Variants in DPF3 observed in about 807,000 individuals in gnomAD.
DPF3 encodes zinc finger protein DPF3.
DPF3 carries 18 observed loss-of-function variants against 56.8 expected under a neutral mutation model. The observed-to-expected ratio is 0.32, with a 90% confidence interval of 0.22 to 0.47. The LOEUF is 0.47. DPF3 is among the 20% of genes least tolerant of loss of function. The pLI, the probability that DPF3 is intolerant of heterozygous loss-of-function variation, is 1.00. For synonymous variants in DPF3, 188 were observed against 180.2 expected (o/e 1.04, Z -0.35); for missense variants, 403 against 488.8 (o/e 0.82, Z 1.65).
chr14:72,743,860 T>C (rs964545853), intron 3 of DPF3, among the ~76,000 whole-genome samples: 6 of 152,214 alleles, frequency 3.9e-5, no homozygotes, highest in African/African-American at 1.4e-4. Context: ...GATGTCTACA[T>C]CATGAAACAC....
chr14:72,755,943 T>C (rs1210280171), intron 2 of DPF3, among the ~76,000 whole-genome samples: 2 of 152,186 alleles, frequency 1.3e-5, no homozygotes, highest in African/African-American at 4.8e-5. Context: ...ATGAGACTTA[T>C]GTTGTTTATC....
At chr14:72,786,095 C>G (rs1271223146) in intron 1 of DPF3, among the ~76,000 whole-genome samples, 1 of 152,076 alleles carries the variant, frequency 6.6e-6, no homozygotes, top group Non-Finnish European at 1.5e-5. Flanking sequence ...AACTCCATTT[C>G]TACTAAAAAT....
intron 2 of DPF3, among the ~76,000 whole-genome samples, chr14:72,758,283 A>T (rs1190008097): frequency 1.3e-5 from 2 of 152,212 alleles, no homozygotes; most frequent in Non-Finnish European, 2.9e-5. Flanking sequence ...GCATTGAAGG[A>T]CAGTGATCCC....
intron 4 of DPF3, among the ~76,000 whole-genome samples, chr14:72,727,558 G>A (rs1425618174): frequency 6.7e-6 from 1 of 149,140 alleles, no homozygotes; most frequent in African/African-American, 2.5e-5. Flanking sequence ...CCTGGGTGAC[G>A]AGGCGAGACT....
chr14:72,754,611 T>A (rs1000225098), intron 2 of DPF3, among the ~76,000 whole-genome samples: 2 of 152,192 alleles, frequency 1.3e-5, no homozygotes, highest in African/African-American at 4.8e-5. Context: ...GGACCATGGA[T>A]TCAGAAAACA....
At chr14:72,680,695 GAGA>G (rs1887126652) in intron 7 of DPF3, among the ~76,000 whole-genome samples, 1 of 152,274 alleles carries the variant, frequency 6.6e-6, no homozygotes, top group Admixed American at 6.5e-5. Flanking sequence ...AGGACAAGGT[GAGA>G]AGATGAGCTG....
At chr14:72,707,035 T>G (rs569143850) in intron 6 of DPF3, among the ~76,000 whole-genome samples, 13 of 152,208 alleles carry the variant, frequency 8.5e-5, no homozygotes, top group Non-Finnish European at 1.6e-4. Flanking sequence ...GTCCATGTGT[T>G]CTCATTGTTC....
At chr14:72,774,224 A>C (rs1481021601) in intron 1 of DPF3, among the ~76,000 whole-genome samples, 1 of 137,076 alleles carries the variant, frequency 7.3e-6, no homozygotes, top group Non-Finnish European at 1.5e-5. Context: ...GGATTGTGCC[A>C]CTGCACTCCA....
At chr14:72,624,844 A>G (rs1005049923) in intron 9 of DPF3, among the ~76,000 whole-genome samples, 9 of 152,234 alleles carry the variant, frequency 5.9e-5, no homozygotes, top group African/African-American at 2.2e-4. Context: ...AGATCCACAT[A>G]TGCATACATT....
Position 72,746,403 on chromosome 14 carries a change from T to C in DPF3, c.301+6861A>G, listed in dbSNP as rs113432844. Among the ~76,000 whole-genome samples, 1,126 of 152,344 alleles carry C rather than the reference T, an allele frequency of 7.4e-3. 15 individuals are homozygous for C. The highest frequency in any genetic ancestry group is 0.026 in the African/African-American group (1,086 of 41,584). On this transcript the variant is annotated intron_variant, in intron 3 of 10. Transcript: ENST00000556509. Reference sequence around the variant, plus strand: ...ATGGTGGTACATTCTGGGAGCCAGGTGCAGCCCCGGCTGTTCAGACTCAGA... The same window carrying C: ...ATGGTGGTACATTCTGGGAGCCAGGCGCAGCCCCGGCTGTTCAGACTCAGA...
At chr14:72,835,423 A>G (rs1599483719) in intron 1 of DPF3, among the ~76,000 whole-genome samples, 1 of 152,204 alleles carries the variant, frequency 6.6e-6, no homozygotes, top group African/African-American at 2.4e-5. Flanking sequence ...ATGATGGCGG[A>G]TGTACTAACC....
chr14:72,646,606 T>C (rs1885732983), intron 8 of DPF3, among the ~76,000 whole-genome samples: 1 of 152,230 alleles, frequency 6.6e-6, no homozygotes, highest in Admixed American at 6.5e-5. Flanking sequence ...GACTACTGCT[T>C]ACCCAGGCCT....
chr14:72,830,905 T>C (rs556918761), intron 1 of DPF3, among the ~76,000 whole-genome samples: 5 of 152,266 alleles, frequency 3.3e-5, no homozygotes, highest in Admixed American at 2.0e-4. Context: ...CTCATGGGAA[T>C]TAAAGCTGTA....
At chr14:72,745,095 G>A (rs1449553770) in intron 3 of DPF3, among the ~76,000 whole-genome samples, 3 of 147,860 alleles carry the variant, frequency 2.0e-5, no homozygotes, top group Non-Finnish European at 3.0e-5. Context: ...CAGGGGGTGG[G>A]TGTGGAGGGG....
chr14:72,742,681 G>A (rs1890175548), intron 3 of DPF3: 2 of 152,356 alleles, frequency 1.3e-5, no homozygotes, highest in Non-Finnish European at 2.9e-5. Context: ...AAATCGCACC[G>A]AACATCAGAG....
chr14:72,615,985 C>T lies in DPF3; in HGVS notation c.*3312G>A, dbSNP rs1884064530. Among the ~76,000 whole-genome samples the T allele has an allele frequency of 6.6e-6, 1 of 152,196 alleles. No homozygotes were observed. On this transcript the variant is annotated 3_prime_UTR_variant, in exon 11 of 11. Coordinates refer to ENST00000556509, the MANE Select transcript of DPF3 (RefSeq NM_001280542.3). ...CCCAGCAAAGTTCTCCTGGCTGTTC[C>T]CAGCATTTGAGCCGGAAGACAACCA...
chr14:72,739,620 C>T (rs979355135), intron 3 of DPF3, among the ~76,000 whole-genome samples: 9 of 152,108 alleles, frequency 5.9e-5, no homozygotes, highest in South Asian at 2.1e-4. Flanking sequence ...TGGAAACAAA[C>T]GGAATCTGAG....
intron 7 of DPF3, among the ~76,000 whole-genome samples, chr14:72,690,880 G>A (rs1305734604): frequency 6.6e-6 from 1 of 152,220 alleles, no homozygotes; most frequent in Admixed American, 6.5e-5. Context: ...TTTTCAGGGA[G>A]CAACCAAAAT....
intron 3 of DPF3, among the ~76,000 whole-genome samples, chr14:72,732,298 A>G (rs968468727): frequency 1.3e-5 from 2 of 152,214 alleles, no homozygotes; most frequent in African/African-American, 4.8e-5. Flanking sequence ...ACAATACCCA[A>G]CCCCACAGGT....
Sources: gnomAD v4.1 joint callset for allele counts (sites outside exome capture counted in the v4.1 genomes callset) on GRCh38, gnomAD v4.1.1 for gene constraint, MANE v1.5 for transcripts, NCBI Gene and HGNC (gene_info 2026-07-23, HGNC 2026-07-21) for gene names.